ST7: variants seen among roughly 807,000 people sequenced by gnomAD.
ST7 encodes the protein suppression of tumorigenicity 7.
Under a neutral mutation model 78.7 loss-of-function variants are expected in ST7, and 28 were observed. The observed-to-expected ratio is 0.36, with a 90% CI of 0.26 to 0.49. The LOEUF (loss-of-function observed/expected upper bound fraction) is 0.49. Ranked by LOEUF, ST7 falls within the 20% of genes least tolerant of loss-of-function variation. The pLI is 0.99. For missense variants in ST7, 418 were observed against 696.0 expected (o/e 0.60, Z 4.49); for synonymous variants, 247 against 249.6 (o/e 0.99, Z 0.10).
intron 12 of ST7, among the ~76,000 whole-genome samples, chr7:117,195,102 T>C (rs934507541): frequency 2.0e-5 from 3 of 152,218 alleles, no homozygotes; most frequent in African/African-American, 4.8e-5. Context: ...CTACTCATAT[T>C]TAAGACTATT....
Position 117,219,801 on chromosome 7 carries a change from G to A in ST7, c.1498+625G>A, listed in dbSNP as rs76670843. 1.2e-3 allele frequency among the ~76,000 whole-genome samples: 187 copies of A among 152,322 alleles called. 2 individuals are homozygous for A. In the East Asian group the frequency reaches 0.028, roughly 23 times the overall value. ...GCACACAAAAGAAAACCCTGCCCTC[G>A]ACTACCTTACACTTGCTAGCAGTCT... is the stretch of plus-strand genomic sequence containing the variant. On this transcript the variant is annotated intron_variant, in intron 14 of 15. Coordinates refer to ENST00000323984, the MANE Select transcript of ST7 (RefSeq NM_001369598.1). This position sits in a 1 kb window ranked among gnomAD's most constrained non-coding sequence, Gnocchi z 5.1.
chr7:117,098,203 G>A (rs1041249980), intron 1 of ST7, among the ~76,000 whole-genome samples: 3 of 151,586 alleles, frequency 2.0e-5, no homozygotes, highest in African/African-American at 4.9e-5. Flanking sequence ...TGGAACCAGT[G>A]TACCCTTCAA....
chr7:117,115,646 G>A (rs1318863047), intron 2 of ST7, among the ~76,000 whole-genome samples: 1 of 152,096 alleles, frequency 6.6e-6, no homozygotes, highest in Non-Finnish European at 1.5e-5. Flanking sequence ...GAGCCACCGC[G>A]CCCAGCCGGT....
chr7:117,158,372 A>G (rs76775110), intron 9 of ST7, among the ~76,000 whole-genome samples: 7,797 of 152,302 alleles, frequency 0.051, 677 homozygotes, highest in African/African-American at 0.18. Context: ...GACTAAACGG[A>G]TCACAGTTTT....
At chr7:117,223,023 C>T (rs768374295) in intron 15 of ST7, 5 of 1,390,808 alleles carry the variant, frequency 3.6e-6, no homozygotes, top group South Asian at 3.5e-5. Flanking sequence ...TGCTCCTCCT[C>T]CTGTATTCCT....
chr7:117,223,252 A>C (rs1584640714), intron 15 of ST7: 3 of 429,060 alleles, frequency 7.0e-6, no homozygotes, highest in African/African-American at 2.0e-5. Context: ...TCTTGCCTGA[A>C]CTCCTGCCAT....
At chr7:117,145,007 G>A (rs939287362) in intron 9 of ST7, among the ~76,000 whole-genome samples, 123 of 152,102 alleles carry the variant, frequency 8.1e-4, no homozygotes, top group African/African-American at 2.9e-3. Flanking sequence ...TGAGACCAGC[G>A]TGGGCAACGT....
At chr7:117,194,662 T>C (rs1200577390) in intron 12 of ST7, among the ~76,000 whole-genome samples, 1 of 152,246 alleles carries the variant, frequency 6.6e-6, no homozygotes, top group Non-Finnish European at 1.5e-5. Context: ...ATTCCATTCA[T>C]GTAATGCTGG....
intron 5 of ST7, 47 bp downstream of exon 5, chr7:117,130,653 T>A: frequency 7.0e-7 from 1 of 1,436,672 alleles, no homozygotes. Flanking sequence ...CTTTTTGGCT[T>A]AAGTGTCAAG....
At chr7:117,089,044 A>C (rs1800384226) in intron 1 of ST7, among the ~76,000 whole-genome samples, 1 of 152,216 alleles carries the variant, frequency 6.6e-6, no homozygotes, top group Non-Finnish European at 1.5e-5. Context: ...ACGTAGTTCC[A>C]GTGCACATCT....
At chr7:117,132,772 T>G (rs1804474186) in intron 6 of ST7, among the ~76,000 whole-genome samples, 1 of 151,896 alleles carries the variant, frequency 6.6e-6, no homozygotes, top group Non-Finnish European at 1.5e-5. Context: ...CATATTTATT[T>G]TCCAGTTTCT....
At chr7:117,114,099 A>G (rs1802653703) in intron 2 of ST7, among the ~76,000 whole-genome samples, 1 of 152,276 alleles carries the variant, frequency 6.6e-6, no homozygotes, top group African/African-American at 2.4e-5. Flanking sequence ...GCCAGTTTAC[A>G]TAGCCCCCGC....
chr7:117,142,446 C>T (rs1320554717), intron 9 of ST7, among the ~76,000 whole-genome samples: 1 of 151,478 alleles, frequency 6.6e-6, no homozygotes, highest in Non-Finnish European at 1.5e-5. Context: ...TACTAGATGC[C>T]AATTGCAGCT....
chr7:117,128,640 T>G (rs1158055622), intron 3 of ST7, among the ~76,000 whole-genome samples: 1 of 151,840 alleles, frequency 6.6e-6, no homozygotes, highest in Non-Finnish European at 1.5e-5. Context: ...TTAACAAATA[T>G]TTGTTGAGAT....
chr7:117,166,450 A>AT lies in ST7; in HGVS notation c.964-4398dup, dbSNP rs58969985. On this transcript the variant is annotated intron_variant, in intron 9 of 15. Transcript: ENST00000323984. ...ATGGGTTAAATTTTAAGTTGCTTGCATTTTTTTTTTTTTTACTATTACAAA... is the reference window on the plus strand; with the variant it reads ...ATGGGTTAAATTTTAAGTTGCTTGCATTTTTTTTTTTTTTTACTATTACAAA... Among the ~76,000 whole-genome samples the AT allele has an allele frequency of 2.0e-3, 289 of 145,084 alleles. 2 individuals are homozygous for AT. Among genetic ancestry groups the AT allele is most frequent in the East Asian group, 0.014 (71 of 4,974 alleles).
At chr7:116,975,542 G>A (rs1045027609) in intron 1 of ST7, among the ~76,000 whole-genome samples, 2 of 151,856 alleles carry the variant, frequency 1.3e-5, no homozygotes, top group Non-Finnish European at 2.9e-5. Context: ...CGAGTAGCTG[G>A]GATTACAGGT....
intron 1 of ST7, among the ~76,000 whole-genome samples, chr7:117,064,486 A>G (rs1405276056): frequency 1.3e-5 from 2 of 152,212 alleles, no homozygotes; most frequent in Non-Finnish European, 2.9e-5. Flanking sequence ...AGTGGTGACT[A>G]TGATGTGTAT....
chr7:117,001,440 A>C (rs929310100), intron 1 of ST7, among the ~76,000 whole-genome samples: 1 of 152,192 alleles, frequency 6.6e-6, no homozygotes, highest in African/African-American at 2.4e-5. Context: ...ATGGGAAGGA[A>C]CCTTTCACTT....
At chr7:117,005,183 A>G (rs1795106446) in intron 1 of ST7, among the ~76,000 whole-genome samples, 2 of 152,194 alleles carry the variant, frequency 1.3e-5, no homozygotes, top group Admixed American at 6.5e-5. Flanking sequence ...CTAATTTTAC[A>G]GAAGTGGAAT....
Sources: allele counts gnomAD v4.1 joint callset (sites outside exome capture counted in the v4.1 genomes callset), GRCh38; gene constraint gnomAD v4.1.1; non-coding constraint Gnocchi (gnomAD v3.1); transcripts MANE v1.5; gene names NCBI Gene and HGNC (gene_info 2026-07-23, HGNC 2026-07-21).